SLC25A42: variants seen among roughly 807,000 people sequenced by gnomAD.
SLC25A42 encodes mitochondrial coenzyme A transporter SLC25A42.
SLC25A42 carries 19 observed loss-of-function variants against 34.7 expected under a neutral mutation model. That is an observed-to-expected ratio of 0.55 (90% CI 0.38 to 0.80). The LOEUF is 0.80. Among genes scored for constraint, SLC25A42 ranks in the 30% least tolerant of loss-of-function variants. SLC25A42 has a pLI of 0.00. For missense variants in SLC25A42, 364 were observed against 441.3 expected (o/e 0.82, Z 1.57); for synonymous variants, 205 against 191.2 (o/e 1.07, Z -0.59).
At chr19:19,100,206 G>A (rs1047913067) in intron 2 of SLC25A42, among the ~76,000 whole-genome samples, 5 of 152,060 alleles carry the variant, frequency 3.3e-5, no homozygotes, top group East Asian at 2.0e-4. Context: ...GCCAGGCGTG[G>A]TGGTGCTTGC....
At chr19:19,071,075 C>A (rs2059627828) in intron 1 of SLC25A42, among the ~76,000 whole-genome samples, 2 of 148,308 alleles carry the variant, frequency 1.3e-5, no homozygotes, top group South Asian at 4.4e-4. Flanking sequence ...GGCAAGATCA[C>A]AGCTCACTGC....
At chr19:19,066,872 C>A (rs2059605402) in intron 1 of SLC25A42, among the ~76,000 whole-genome samples, 1 of 152,088 alleles carries the variant, frequency 6.6e-6, no homozygotes, top group Admixed American at 6.6e-5. Context: ...TTCAGACCCC[C>A]CTGTCTTGCT....
chr19:19,106,953 A>G (rs1422795391), intron 6 of SLC25A42: 4 of 151,242 alleles, frequency 2.6e-5, no homozygotes, highest in Admixed American at 2.6e-4. Context: ...AAAAAAAAAA[A>G]AAAAAAAAGT....
At chr19:19,101,168 G>A (rs1338280965) in intron 2 of SLC25A42, among the ~76,000 whole-genome samples, 1 of 152,094 alleles carries the variant, frequency 6.6e-6, no homozygotes, top group African/African-American at 2.4e-5. Flanking sequence ...CAGGGGACTT[G>A]GGCAGCTCCA....
chr19:19,103,495 C>G (rs1410545106), intron 3 of SLC25A42, among the ~76,000 whole-genome samples: 1 of 152,202 alleles, frequency 6.6e-6, no homozygotes, highest in Non-Finnish European at 1.5e-5. Flanking sequence ...GCCCTGCTTT[C>G]AGATAAGGTC....
intron 1 of SLC25A42, among the ~76,000 whole-genome samples, chr19:19,065,992 G>T (rs2059600140): frequency 6.6e-6 from 1 of 152,078 alleles, no homozygotes; most frequent in Non-Finnish European, 1.5e-5. Flanking sequence ...GAGTAGCTGG[G>T]ATTACAGGCA....
intron 4 of SLC25A42, 157 bp downstream of exon 4, chr19:19,105,095 GA>G: frequency 1.1e-6 from 1 of 872,772 alleles, no homozygotes; most frequent in East Asian, 2.6e-5. Flanking sequence ...CCCAGCCTGG[GA>G]ACTGACGGGA....
At chr19:19,066,849 C>T (rs887600243) in intron 1 of SLC25A42, among the ~76,000 whole-genome samples, 1 of 152,060 alleles carries the variant, frequency 6.6e-6, no homozygotes, top group Non-Finnish European at 1.5e-5. Context: ...GGGCTCCAGC[C>T]GTGCTCAGAC....
At chr19:19,065,254 C>G (rs1372644345) in intron 1 of SLC25A42, among the ~76,000 whole-genome samples, 2 of 151,998 alleles carry the variant, frequency 1.3e-5, no homozygotes, top group African/African-American at 4.8e-5. Flanking sequence ...TGCAGGATGC[C>G]GGAGAGGGGG....
intron 1 of SLC25A42, among the ~76,000 whole-genome samples, chr19:19,073,176 A>G (rs2059639135): frequency 6.6e-6 from 1 of 152,202 alleles, no homozygotes; most frequent in Non-Finnish European, 1.5e-5. Context: ...GAGCAGGAGG[A>G]CAGGACAGCA....
At chr19:19,105,831 C>T (rs1252376004) in intron 5 of SLC25A42, 104 bp downstream of exon 5, 6 of 1,002,448 alleles carry the variant, frequency 6.0e-6, no homozygotes, top group Non-Finnish European at 8.6e-6. Flanking sequence ...TTGCCCCTAG[C>T]CCTGCCTTCC....
At chr19:19,105,098 C>A in intron 4 of SLC25A42, 160 bp downstream of exon 4, 1 of 856,544 alleles carries the variant, frequency 1.2e-6, no homozygotes, top group Non-Finnish European at 1.8e-6. Context: ...AGCCTGGGAA[C>A]TGACGGGACA....
intron 7 of SLC25A42, among the ~76,000 whole-genome samples, chr19:19,110,134 G>A (rs937006296): frequency 2.0e-5 from 3 of 152,224 alleles, no homozygotes; most frequent in African/African-American, 7.2e-5. Flanking sequence ...ATCGCCTGAG[G>A]TCAGGAGTTT....
chr19:19,075,390 T>C (rs2145900826), intron 1 of SLC25A42, among the ~76,000 whole-genome samples: 1 of 152,338 alleles, frequency 6.6e-6, no homozygotes, highest in South Asian at 2.1e-4. Context: ...AAAGACTGCA[T>C]GAACAGAAGC....
At chr19:19,091,592 T>C (rs118036188) in intron 1 of SLC25A42, among the ~76,000 whole-genome samples, 1,671 of 152,198 alleles carry the variant, frequency 0.011, 16 homozygotes, top group Non-Finnish European at 0.017. Context: ...AGAAGAATGT[T>C]ATGGCCGGGT....
chr19:19,110,515 G>A (rs1215895478), intron 7 of SLC25A42, 54 bp from the exon 8 acceptor site: 10 of 1,360,102 alleles, frequency 7.4e-6, no homozygotes, highest in Non-Finnish European at 9.4e-6. Flanking sequence ...CACGGGTGCG[G>A]GGTGCGCGCC....
intron 3 of SLC25A42, among the ~76,000 whole-genome samples, chr19:19,102,755 T>TA (rs1476487605): frequency 9.9e-5 from 15 of 150,878 alleles, no homozygotes; most frequent in Non-Finnish European, 8.9e-5. Context: ...AATAAATAAA[T>TA]AAATAAATAA....
intron 3 of SLC25A42, among the ~76,000 whole-genome samples, chr19:19,102,423 A>G (rs995884449): frequency 6.6e-6 from 1 of 151,562 alleles, no homozygotes; most frequent in African/African-American, 2.4e-5. Flanking sequence ...ACTGCACTCA[A>G]TTGGGTTTTT....
At chr19:19,101,027 C>T (rs973756276) in intron 2 of SLC25A42, among the ~76,000 whole-genome samples, 1 of 152,120 alleles carries the variant, frequency 6.6e-6, no homozygotes, top group Non-Finnish European at 1.5e-5. Context: ...GTGAGAGTCC[C>T]GTGGCCGAGT....
Sources: allele counts gnomAD v4.1 joint callset (sites outside exome capture counted in the v4.1 genomes callset), GRCh38; gene constraint gnomAD v4.1.1; transcripts MANE v1.5; gene names NCBI Gene and HGNC (gene_info 2026-07-23, HGNC 2026-07-21).